CRYBB1: variants seen among roughly 807,000 people sequenced by gnomAD.
CRYBB1 encodes the protein beta-crystallin B1.
In CRYBB1, 16 loss-of-function variants were observed where a neutral mutation model predicts 29.5. The observed-to-expected ratio is 0.54, with a 90% CI of 0.37 to 0.82. The LOEUF (loss-of-function observed/expected upper bound fraction) is 0.82. Among genes scored for constraint, CRYBB1 ranks in the 40% least tolerant of loss-of-function variants. CRYBB1 has a pLI of 0.00. For missense variants in CRYBB1, 300 were observed against 350.5 expected (o/e 0.86, Z 1.15); for synonymous variants, 127 against 136.7 (o/e 0.93, Z 0.49).
chr22:26,602,149 G>T, intron 4 of CRYBB1, 128 bp from the exon 5 acceptor site: 2 of 1,156,974 alleles, frequency 1.7e-6, no homozygotes, highest in Non-Finnish European at 2.5e-6. Context: ...ACTCTCCAGG[G>T]ACCACTGCTG....
chr22:26,606,248 G>A (rs1319209132), intron 4 of CRYBB1, among the ~76,000 whole-genome samples: 2 of 152,108 alleles, frequency 1.3e-5, no homozygotes, highest in East Asian at 3.8e-4. Context: ...CTGGGGTGGG[G>A]TCTAGGCTTT....
At chr22:26,612,573 G>A (rs562442829) in intron 2 of CRYBB1, among the ~76,000 whole-genome samples, 58 of 152,280 alleles carry the variant, frequency 3.8e-4, no homozygotes, top group African/African-American at 1.2e-3. Flanking sequence ...GGCTGGTCTC[G>A]AATTCCTGAG....
In CRYBB1 at chr22:26,601,987, C is replaced by A. The variant is rs774429880; in HGVS notation, c.467G>T (p.Gly156Val). 6.2e-7 allele frequency: 1 copy of A among 1,613,786 alleles called. No individual in the cohort carries two copies. Among genetic ancestry groups the A allele is most frequent in the South Asian group, 1.1e-5 (1 of 91,064 alleles). ...AQEHKISLFE[G>V]ANFKGNTIEI... is the part of the protein sequence containing the mutation. ...TATGGTGTTGCCCTTGAAGTTGGCCCCTTCAAACAGGGAGATTTTGTGCTC... is the reference window on the plus strand; with the variant it reads ...TATGGTGTTGCCCTTGAAGTTGGCCACTTCAAACAGGGAGATTTTGTGCTC... Residue 156 changes from glycine to valine, a missense_variant, in exon 5 of 6, where the codon GGG becomes GTG. Transcript: ENST00000647684.
At chr22:26,611,218 A>G (rs1929146355) in intron 3 of CRYBB1, among the ~76,000 whole-genome samples, 1 of 151,928 alleles carries the variant, frequency 6.6e-6, no homozygotes, top group Non-Finnish European at 1.5e-5. Flanking sequence ...TGGGTAAGAG[A>G]CTCACCCCCT....
chr22:26,609,608 T>C (rs1929093867), intron 3 of CRYBB1, among the ~76,000 whole-genome samples: 1 of 152,102 alleles, frequency 6.6e-6, no homozygotes, highest in Non-Finnish European at 1.5e-5. Flanking sequence ...GGTACGTGTG[T>C]ATAAATGGAG....
At chr22:26,603,140 A>AC (rs1928876004) in intron 4 of CRYBB1, among the ~76,000 whole-genome samples, 1 of 151,268 alleles carries the variant, frequency 6.6e-6, no homozygotes, top group Non-Finnish European at 1.5e-5. Flanking sequence ...AAAAAAAAAA[A>AC]AAAACAAAAA....
intron 3 of CRYBB1, among the ~76,000 whole-genome samples, chr22:26,610,344 C>G (rs2267104): frequency 0.2 from 30,158 of 152,022 alleles, 3,198 homozygotes; most frequent in Middle Eastern, 0.24. Flanking sequence ...CCTCTTCATT[C>G]TTTTTTTCCC....
chr22:26,601,782 C>A, intron 5 of CRYBB1, 97 bp downstream of exon 5: 1 of 1,587,372 alleles, frequency 6.3e-7, no homozygotes, highest in Non-Finnish European at 8.5e-7. Flanking sequence ...CCATGGCCTT[C>A]TCTAGGAATC....
At chr22:26,611,892 G>A (rs879414422) in intron 3 of CRYBB1, among the ~76,000 whole-genome samples, 180 bp downstream of exon 3, 9 of 152,228 alleles carry the variant, frequency 5.9e-5, no homozygotes, top group South Asian at 2.1e-4. Flanking sequence ...TTCCTCATCC[G>A]TAAAATGAGA....
At chr22:26,614,801 C>T (rs1467867373) in intron 2 of CRYBB1, among the ~76,000 whole-genome samples, 8 of 151,948 alleles carry the variant, frequency 5.3e-5, no homozygotes, top group African/African-American at 1.7e-4. Flanking sequence ...TGGCAAAACC[C>T]GTCTCATAAT....
intron 5 of CRYBB1, 78 bp from the exon 6 acceptor site, chr22:26,599,751 T>C: frequency 9.3e-7 from 1 of 1,073,920 alleles, no homozygotes; most frequent in South Asian, 1.3e-5. Flanking sequence ...CAGACCAGCC[T>C]GTCCTTCATT....
At chr22:26,605,280 A>T (rs1243078163) in intron 4 of CRYBB1, among the ~76,000 whole-genome samples, 1 of 152,134 alleles carries the variant, frequency 6.6e-6, no homozygotes, top group Non-Finnish European at 1.5e-5. Context: ...TAGCTTTTTG[A>T]TAGCTGCCTC....
chr22:26,609,283 A>G (rs1929083982), intron 3 of CRYBB1, among the ~76,000 whole-genome samples: 1 of 152,224 alleles, frequency 6.6e-6, no homozygotes, highest in African/African-American at 2.4e-5. Context: ...ACCACACTGG[A>G]GTAAATTAAA....
chr22:26,607,869 C>T lies in CRYBB1; in HGVS notation c.432+20G>A, dbSNP rs772184846. ...GCCCCGCCTGGCTGATTCTCCAGCCCCAGCCGGAGAGCCACTCACCATTTT... is the reference window on the plus strand; with the variant it reads ...GCCCCGCCTGGCTGATTCTCCAGCCTCAGCCGGAGAGCCACTCACCATTTT... On this transcript the variant is annotated intron_variant, in intron 4 of 5. Coordinates refer to ENST00000647684, the MANE Select transcript of CRYBB1 (RefSeq NM_001887.4). The T allele has an allele frequency of 1.9e-6, 3 of 1,614,102 alleles. No individual in the cohort carries two copies. The highest frequency in any genetic ancestry group is 2.2e-5 in the East Asian group (1 of 44,888).
intron 4 of CRYBB1, among the ~76,000 whole-genome samples, chr22:26,603,784 C>G (rs1441710475): frequency 6.6e-6 from 1 of 150,494 alleles, no homozygotes; most frequent in Non-Finnish European, 1.5e-5. Flanking sequence ...ATTAGCTGGG[C>G]GTGGTGGCAC....
chr22:26,608,135 A>G, intron 3 of CRYBB1, 114 bp from the exon 4 acceptor site: 1 of 1,483,482 alleles, frequency 6.7e-7, no homozygotes, highest in Non-Finnish European at 9.3e-7. Flanking sequence ...ACAGTAGGAA[A>G]GTCCAAAGGG....
At chr22:26,608,501 C>G (rs1347833657) in intron 3 of CRYBB1, among the ~76,000 whole-genome samples, 3 of 152,138 alleles carry the variant, frequency 2.0e-5, no homozygotes, top group Non-Finnish European at 4.4e-5. Context: ...AGACCACTAG[C>G]CCAGAACCTC....
chr22:26,607,762 G>C, intron 4 of CRYBB1, 127 bp downstream of exon 4: 1 of 1,299,572 alleles, frequency 7.7e-7, no homozygotes, highest in East Asian at 2.3e-5. Flanking sequence ...ACGGTCCTTT[G>C]ACAACTCGGA....
intron 4 of CRYBB1, among the ~76,000 whole-genome samples, chr22:26,607,057 C>T (rs1929000166): frequency 7.1e-6 from 1 of 141,614 alleles, no homozygotes; most frequent in South Asian, 2.2e-4. Flanking sequence ...GAGTCTGGCA[C>T]CGTCACCCCG....
Sources: gnomAD v4.1 joint callset for allele counts (sites outside exome capture counted in the v4.1 genomes callset) on GRCh38, gnomAD v4.1.1 for gene constraint, MANE v1.5 for transcripts, NCBI Gene and HGNC (gene_info 2026-07-23, HGNC 2026-07-21) for gene names.